ALG8: variants seen among roughly 807,000 people sequenced by gnomAD.
ALG8 encodes the protein ALG8 alpha-1,3-glucosyltransferase.
Under a neutral mutation model 70.2 loss-of-function variants are expected in ALG8, and 48 were observed. That is an observed-to-expected ratio of 0.68 (90% confidence interval 0.54 to 0.87). The LOEUF (loss-of-function observed/expected upper bound fraction) is 0.87, where lower values mean the gene tolerates loss of function less well. Ranked by LOEUF, ALG8 falls within the 40% of genes least tolerant of loss-of-function variation. The pLI is 0.00. For synonymous variants in ALG8, 234 were observed against 229.0 expected, an observed-to-expected ratio of 1.02 and a Z score of -0.20; for missense variants, 572 against 608.7, an observed-to-expected ratio of 0.94 and a Z score of 0.64.
At chr11:78,134,019 C>A (rs1046226157) in intron 1 of ALG8, among the ~76,000 whole-genome samples, 21 of 152,152 alleles carry the variant, frequency 1.4e-4, no homozygotes, top group Non-Finnish European at 2.1e-4. Flanking sequence ...AGCTAATGAT[C>A]ATCTGCACCT....
chr11:78,130,712 G>C (rs924356371), intron 1 of ALG8, among the ~76,000 whole-genome samples: 1 of 151,994 alleles, frequency 6.6e-6, no homozygotes, highest in Non-Finnish European at 1.5e-5. Context: ...GAAATGTCTA[G>C]TGATTAATGT....
chr11:78,109,223 C>T (rs1860176389), intron 9 of ALG8, among the ~76,000 whole-genome samples: 1 of 152,170 alleles, frequency 6.6e-6, no homozygotes, highest in Non-Finnish European at 1.5e-5. Context: ...GTCTAACAGC[C>T]ACTGGCAAGA....
At chr11:78,114,176 C>G in intron 6 of ALG8, 90 bp downstream of exon 6, 1 of 1,560,386 alleles carries the variant, frequency 6.4e-7, no homozygotes, top group Non-Finnish European at 8.8e-7. Context: ...ATCTGCTGTG[C>G]TTCATAAAAC....
chr11:78,126,326 T>C (rs1250287835), intron 2 of ALG8, among the ~76,000 whole-genome samples: 2 of 149,248 alleles, frequency 1.3e-5, no homozygotes, highest in South Asian at 2.1e-4. Flanking sequence ...AGGTCCGGAG[T>C]TCGAGACCAG....
chr11:78,134,988 G>T (rs1861480009), intron 1 of ALG8, among the ~76,000 whole-genome samples: 1 of 152,184 alleles, frequency 6.6e-6, no homozygotes, highest in Non-Finnish European at 1.5e-5. Flanking sequence ...ACTTTGCCCA[G>T]ATCCATCAGA....
chr11:78,114,454 G>C, intron 5 of ALG8, 62 bp from the exon 6 acceptor site: 1 of 1,585,320 alleles, frequency 6.3e-7, no homozygotes, highest in Non-Finnish European at 8.6e-7. Flanking sequence ...GCAATAATGT[G>C]GTATTCTAGA....
intron 2 of ALG8, among the ~76,000 whole-genome samples, chr11:78,127,042 C>T (rs1053140237): frequency 4.0e-5 from 6 of 151,744 alleles, no homozygotes; most frequent in African/African-American, 1.5e-4. Context: ...TGCAGTGGCG[C>T]GATCTCGGCT....
At chr11:78,122,888 T>C (rs1297469656) in intron 3 of ALG8, among the ~76,000 whole-genome samples, 1 of 152,182 alleles carries the variant, frequency 6.6e-6, no homozygotes, top group East Asian at 1.9e-4. Context: ...CAAGGGACTC[T>C]TTACTGAGTG....
intron 5 of ALG8, among the ~76,000 whole-genome samples, chr11:78,118,894 G>C (rs1860697995): frequency 6.6e-6 from 1 of 152,166 alleles, no homozygotes; most frequent in Admixed American, 6.6e-5. Context: ...TCCAGTCTGG[G>C]TGACAGAGTG....
intron 5 of ALG8, among the ~76,000 whole-genome samples, chr11:78,118,390 C>T (rs924227366): frequency 2.0e-5 from 3 of 149,758 alleles, no homozygotes; most frequent in Non-Finnish European, 4.5e-5. Context: ...CTGAGGCGGG[C>T]GGAACACTTG....
chr11:78,139,397 T>C, intron 1 of ALG8, 97 bp downstream of exon 1: 1 of 1,239,784 alleles, frequency 8.1e-7, no homozygotes, highest in Non-Finnish European at 1.2e-6. Flanking sequence ...CGACCTAAAG[T>C]TTTCTCTTCA....
intron 4 of ALG8, among the ~76,000 whole-genome samples, 179 bp from the exon 5 acceptor site, chr11:78,119,428 ATT>A (rs768598740): frequency 7.9e-5 from 7 of 88,688 alleles, no homozygotes; most frequent in Admixed American, 1.9e-4. Flanking sequence ...TTTTTTTTTA[ATT>A]TTTTTTTTTT....
chr11:78,106,781 G>C (rs761842418), intron 10 of ALG8, 26 bp downstream of exon 10: 1 of 1,613,474 alleles, frequency 6.2e-7, no homozygotes, highest in South Asian at 1.1e-5. Flanking sequence ...ATGCCAAAAT[G>C]CTCACTGGCT....
At chr11:78,138,763 T>A (rs1437800037) in intron 1 of ALG8, 3 of 456,234 alleles carry the variant, frequency 6.6e-6, no homozygotes, top group Admixed American at 2.3e-5. Flanking sequence ...CTTTCAGTCT[T>A]GGCCCTACAT....
At chr11:78,102,392 AT>A (rs1859835005) in intron 12 of ALG8, among the ~76,000 whole-genome samples, 1 of 152,184 alleles carries the variant, frequency 6.6e-6, no homozygotes, top group Non-Finnish European at 1.5e-5. Context: ...TTGGAACTTC[AT>A]TCTTTTCTTT....
At chr11:78,123,163 T>G (rs1002139926) in intron 3 of ALG8, among the ~76,000 whole-genome samples, 4 of 151,668 alleles carry the variant, frequency 2.6e-5, no homozygotes, top group African/African-American at 9.7e-5. Flanking sequence ...AAAATTAGCC[T>G]GCCATGGTGG....
intron 1 of ALG8, chr11:78,138,942 ACT>A (rs1861675190): frequency 2.7e-6 from 1 of 365,776 alleles, no homozygotes; most frequent in Admixed American, 3.6e-5. Context: ...CTTTGAACTT[ACT>A]CTTTCCTATG....
chr11:78,112,527 G>T, intron 8 of ALG8, 123 bp downstream of exon 8: 1 of 1,456,696 alleles, frequency 6.9e-7, no homozygotes, highest in Non-Finnish European at 9.5e-7. Context: ...CCTGAAAGCT[G>T]AAATGCAGGA....
intron 5 of ALG8, 48 bp from the exon 6 acceptor site, chr11:78,114,440 A>G: frequency 6.2e-7 from 1 of 1,603,442 alleles, no homozygotes; most frequent in South Asian, 1.1e-5. Flanking sequence ...AGGGTAAATG[A>G]AATGCAATAA....
Sources: allele counts gnomAD v4.1 joint callset (sites outside exome capture counted in the v4.1 genomes callset), GRCh38; gene constraint gnomAD v4.1.1; transcripts MANE v1.5; gene names NCBI Gene and HGNC (gene_info 2026-07-23, HGNC 2026-07-21).